Variants in LAMB1 observed in about 807,000 individuals in gnomAD.
The protein encoded by LAMB1 is laminin subunit beta 1, also known as laminin subunit beta-1.
A neutral mutation model predicts 222.3 loss-of-function variants in LAMB1; 121 were observed. That is an observed-to-expected ratio of 0.54 (90% CI 0.47 to 0.63). The LOEUF is 0.63. Ranked by LOEUF, LAMB1 falls within the 30% of genes least tolerant of loss-of-function variation. LAMB1 has a pLI of 0.00. For synonymous variants in LAMB1, 794 were observed against 807.2 expected (o/e 0.98, Z 0.28); for missense variants, 2,172 against 2,240.8 (o/e 0.97, Z 0.62).
chr7:107,979,897 AGCCCT>A (rs2033939922), intron 8 of LAMB1, among the ~76,000 whole-genome samples: 1 of 152,182 alleles, frequency 6.6e-6, no homozygotes, highest in African/African-American at 2.4e-5. Flanking sequence ...AATATGGAGA[AGCCCT>A]GTCTCTACTA....
chr7:107,928,269 T>C (rs980228882), intron 31 of LAMB1, among the ~76,000 whole-genome samples: 1 of 152,202 alleles, frequency 6.6e-6, no homozygotes. Flanking sequence ...ACAGATTGTT[T>C]AGCTATAAGT....
At chr7:107,962,596 C>T (rs1584510100) in intron 15 of LAMB1, among the ~76,000 whole-genome samples, 1 of 151,804 alleles carries the variant, frequency 6.6e-6, no homozygotes, top group Admixed American at 6.6e-5. Flanking sequence ...TGCCTGTAAT[C>T]CCAGCTACTC....
intron 15 of LAMB1, among the ~76,000 whole-genome samples, chr7:107,962,233 T>G (rs911070477): frequency 1.3e-5 from 2 of 152,226 alleles, no homozygotes; most frequent in Non-Finnish European, 2.9e-5. Context: ...TCTAGGATCA[T>G]GCATCTCTCT....
chr7:107,986,048 T>C lies in LAMB1; in HGVS notation c.650A>G (p.Glu217Gly), dbSNP rs1269177695. The C allele has an allele frequency of 4.2e-5, 67 of 1,611,942 alleles. No individual in the cohort carries two copies. Among genetic ancestry groups the C allele is most frequent in the Non-Finnish European group, 5.5e-5 (65 of 1,178,086 alleles). The change falls in exon 7 of 34, where the codon GAA becomes GGA. Residue 217 changes from glutamate to glycine, a missense_variant. Transcript: ENST00000222399. ...FRALDPAFKI[E>G]DPYSPRIQNL... ...CTGTATCCTTGGGCTATAAGGATCT[T>C]CTATTTTGAAAGCAGGATCTAAAGC...
At chr7:107,953,506 G>A (rs1236718360) in intron 22 of LAMB1, 24 bp downstream of exon 22, 36 of 1,497,986 alleles carry the variant, frequency 2.4e-5, no homozygotes, top group Non-Finnish European at 3.1e-5. Context: ...TCTAAGAAGT[G>A]GGCAGAATAA....
intron 3 of LAMB1, among the ~76,000 whole-genome samples, chr7:107,999,192 G>C (rs901016619): frequency 6.6e-6 from 1 of 152,224 alleles, no homozygotes; most frequent in African/African-American, 2.4e-5. Flanking sequence ...GTAAGTTTTA[G>C]GTTAGCTTTG....
chr7:107,975,153 T>C (rs1423483215), intron 11 of LAMB1, 55 bp from the exon 12 acceptor site: 2 of 1,555,370 alleles, frequency 1.3e-6, no homozygotes, highest in Admixed American at 1.7e-5. Context: ...TTTCAAATAA[T>C]AATCTGGCTT....
chr7:108,002,410 GA>G, intron 2 of LAMB1: 1 of 1,314,846 alleles, frequency 7.6e-7, no homozygotes, highest in African/African-American at 1.5e-5. Context: ...GACAAACAGA[GA>G]TGGTTAATTA....
chr7:107,994,305 G>C (rs1353048307), intron 5 of LAMB1, among the ~76,000 whole-genome samples: 1 of 152,148 alleles, frequency 6.6e-6, no homozygotes, highest in Non-Finnish European at 1.5e-5. Context: ...CCACATTTAA[G>C]AAGGCATTAC....
At position 107,953,771 on chromosome 7, in the gene LAMB1, C is replaced by G; in HGVS notation, c.2855-17G>C. ...ATCTGGAACCTGTCACCCGATAAAA[C>G]CAAACACAAGATGTTTAGCTTATTG... On this transcript the variant is annotated splice_polypyrimidine_tract_variant and intron_variant, in intron 21 of 33. Transcript: ENST00000222399. 1 of 1,609,120 alleles carries G rather than the reference C, an allele frequency of 6.2e-7. No homozygotes were observed. The highest frequency in any genetic ancestry group is 8.5e-7 in the Non-Finnish European group (1 of 1,175,368).
chr7:107,928,909 T>G (rs2032635449), intron 31 of LAMB1, among the ~76,000 whole-genome samples, 155 bp downstream of exon 31: 2 of 152,194 alleles, frequency 1.3e-5, no homozygotes, highest in South Asian at 4.1e-4. Flanking sequence ...CTCCACTTAT[T>G]TTTAGCATCC....
At chr7:107,960,058 TCAAATATCA>T (rs2033464157) in intron 18 of LAMB1, among the ~76,000 whole-genome samples, 1 of 152,148 alleles carries the variant, frequency 6.6e-6, no homozygotes, top group Non-Finnish European at 1.5e-5. Context: ...CCTTCAAAGC[TCAAATATCA>T]CAGGACATTA....
intron 24 of LAMB1, among the ~76,000 whole-genome samples, chr7:107,950,189 C>T (rs1415056656): frequency 1.3e-5 from 2 of 151,550 alleles, no homozygotes; most frequent in African/African-American, 4.9e-5. Flanking sequence ...GAGATTATGC[C>T]ACTGCATTCC....
intron 15 of LAMB1, 52 bp from the exon 16 acceptor site, chr7:107,961,728 TA>T (rs1179464603): frequency 6.3e-7 from 1 of 1,575,408 alleles, no homozygotes; most frequent in South Asian, 1.1e-5. Context: ...ACTGCCTGTT[TA>T]TAAAAAGACC....
chr7:107,961,866 C>G (rs2150429069), intron 15 of LAMB1, among the ~76,000 whole-genome samples, 190 bp from the exon 16 acceptor site: 2 of 152,322 alleles, frequency 1.3e-5, no homozygotes, highest in South Asian at 4.1e-4. Context: ...GATGCTGAAA[C>G]ACCTCTCAAC....
chr7:107,969,144 C>T (rs1283599300), intron 13 of LAMB1, among the ~76,000 whole-genome samples: 2 of 151,922 alleles, frequency 1.3e-5, no homozygotes, highest in African/African-American at 2.4e-5. Context: ...AAAAATTAGC[C>T]GGGCATGGTG....
At chr7:107,991,495 G>A (rs1301598933) in intron 5 of LAMB1, among the ~76,000 whole-genome samples, 1 of 151,782 alleles carries the variant, frequency 6.6e-6, no homozygotes, top group East Asian at 1.9e-4. Flanking sequence ...GCTGAGGCAG[G>A]AGAACTGCTT....
At chr7:107,984,964 T>C (rs1443151769) in intron 7 of LAMB1, among the ~76,000 whole-genome samples, 3 of 152,220 alleles carry the variant, frequency 2.0e-5, no homozygotes, top group Non-Finnish European at 4.4e-5. Flanking sequence ...CTACACTTCT[T>C]CTCTAGAAAA....
intron 25 of LAMB1, among the ~76,000 whole-genome samples, chr7:107,938,155 A>G (rs2032891736): frequency 6.6e-6 from 1 of 152,214 alleles, no homozygotes; most frequent in Admixed American, 6.5e-5. Context: ...ATATAATAGT[A>G]TAAAAAACCA....
Sources: allele counts gnomAD v4.1 joint callset (sites outside exome capture counted in the v4.1 genomes callset), GRCh38; gene constraint gnomAD v4.1.1; transcripts MANE v1.5; gene names NCBI Gene and HGNC (gene_info 2026-07-23, HGNC 2026-07-21).